KCNIP4: variants seen among roughly 807,000 people sequenced by gnomAD.
The protein encoded by KCNIP4 is potassium voltage-gated channel interacting protein 4.
Under a neutral mutation model 34.0 loss-of-function variants are expected in KCNIP4, and 12 were observed. The ratio of observed to expected loss-of-function variants is 0.35; its 90% CI spans 0.23 to 0.57. The LOEUF (loss-of-function observed/expected upper bound fraction) is 0.57, where lower values mean the gene tolerates loss of function less well. Ranked by LOEUF, KCNIP4 falls within the 20% of genes least tolerant of loss-of-function variation. The pLI, the probability that KCNIP4 is intolerant of heterozygous loss-of-function variation, is 0.83. For missense variants in KCNIP4, 238 were observed against 311.7 expected (o/e 0.76, Z 1.78); for synonymous variants, 124 against 102.2 (o/e 1.21, Z -1.29).
At chr4:21,142,492 TG>T (rs1413022865) in intron 1 of KCNIP4, among the ~76,000 whole-genome samples, 1 of 152,138 alleles carries the variant, frequency 6.6e-6, no homozygotes, top group African/African-American at 2.4e-5. Context: ...TATTCTGTTT[TG>T]GGGGCTCTGT....
intron 1 of KCNIP4, among the ~76,000 whole-genome samples, chr4:21,605,124 C>T (rs1250122168): frequency 6.6e-6 from 1 of 152,152 alleles, no homozygotes; most frequent in African/African-American, 2.4e-5. Flanking sequence ...AACTATTGAC[C>T]TATGGCTCAG....
chr4:21,092,094 C>T (rs1296239288), intron 1 of KCNIP4, among the ~76,000 whole-genome samples: 1 of 152,110 alleles, frequency 6.6e-6, no homozygotes, highest in Non-Finnish European at 1.5e-5. Flanking sequence ...TCACGAGCTT[C>T]CTCTCTATTC....
intron 1 of KCNIP4, among the ~76,000 whole-genome samples, chr4:21,008,129 G>C (rs1421228024): frequency 6.6e-6 from 1 of 152,188 alleles, no homozygotes; most frequent in Non-Finnish European, 1.5e-5. Context: ...GATTAGAAGA[G>C]AGAAATCTGT....
chr4:20,949,854 G>A (rs1422323418), intron 1 of KCNIP4, among the ~76,000 whole-genome samples: 1 of 123,664 alleles, frequency 8.1e-6, no homozygotes, highest in Admixed American at 9.2e-5. Context: ...TCTGGGGACG[G>A]TTGGGGGGTG....
intron 1 of KCNIP4, among the ~76,000 whole-genome samples, chr4:21,505,146 T>G (rs1435262481): frequency 6.6e-6 from 1 of 152,190 alleles, no homozygotes; most frequent in Non-Finnish European, 1.5e-5. Flanking sequence ...CATTTGATAT[T>G]TACAAGGTCC....
At chr4:21,158,573 T>C (rs1753333717) in intron 1 of KCNIP4, among the ~76,000 whole-genome samples, 1 of 152,082 alleles carries the variant, frequency 6.6e-6, no homozygotes, top group Non-Finnish European at 1.5e-5. Context: ...GAAAAAGAAT[T>C]TGACAAAACT....
chr4:21,635,520 CA>C, intron 1 of KCNIP4, among the ~76,000 whole-genome samples: 1 of 151,882 alleles, frequency 6.6e-6, no homozygotes, highest in East Asian at 1.9e-4. Flanking sequence ...TTTATGCAGC[CA>C]AAAAACACAT....
At chr4:21,792,521 G>A (rs937461599) in intron 1 of KCNIP4, among the ~76,000 whole-genome samples, 10 of 152,146 alleles carry the variant, frequency 6.6e-5, no homozygotes, top group South Asian at 2.1e-4. Context: ...ATGTCAATAC[G>A]TGTGAAAGTG....
intron 3 of KCNIP4, among the ~76,000 whole-genome samples, chr4:20,765,784 T>C (rs539058055): frequency 2.8e-4 from 42 of 152,204 alleles, no homozygotes; most frequent in Non-Finnish European, 4.9e-4. Flanking sequence ...AGGTTTTCTT[T>C]GCAATATAAC....
chr4:21,114,469 GAA>G (rs1341304822), intron 1 of KCNIP4, among the ~76,000 whole-genome samples: 1 of 151,770 alleles, frequency 6.6e-6, no homozygotes, highest in Admixed American at 6.6e-5. Flanking sequence ...TCTTAAAAGT[GAA>G]GTAAGACTAT....
chr4:20,869,102 A>T (rs1253793559), intron 2 of KCNIP4, among the ~76,000 whole-genome samples: 1 of 152,152 alleles, frequency 6.6e-6, no homozygotes, highest in East Asian at 1.9e-4. Context: ...GATGGAATTG[A>T]TTACCTAGTG....
At chr4:21,579,535 A>G (rs965235832) in intron 1 of KCNIP4, among the ~76,000 whole-genome samples, 1 of 152,070 alleles carries the variant, frequency 6.6e-6, no homozygotes, top group Admixed American at 6.6e-5. Flanking sequence ...CTATATATCC[A>G]TTCATGCATT....
At chr4:21,032,970 T>C (rs1435476765) in intron 1 of KCNIP4, among the ~76,000 whole-genome samples, 4 of 152,162 alleles carry the variant, frequency 2.6e-5, no homozygotes, top group Non-Finnish European at 1.5e-5. Flanking sequence ...GCAGATTCTA[T>C]ACTCTCCCTT....
At chr4:21,798,525 A>G (rs1720778335) in intron 1 of KCNIP4, among the ~76,000 whole-genome samples, 1 of 144,482 alleles carries the variant, frequency 6.9e-6, no homozygotes, top group Non-Finnish European at 1.5e-5. Context: ...AAAAAAAAAA[A>G]AAAAAAAGGA....
intron 1 of KCNIP4, among the ~76,000 whole-genome samples, chr4:21,239,894 A>G (rs1203877896): frequency 6.6e-6 from 1 of 152,152 alleles, no homozygotes; most frequent in Non-Finnish European, 1.5e-5. Flanking sequence ...AAAGGACTAT[A>G]AATCGTGCTG....
chr4:21,871,173 C>T (rs993840676), intron 1 of KCNIP4, among the ~76,000 whole-genome samples: 2 of 150,962 alleles, frequency 1.3e-5, no homozygotes, highest in African/African-American at 2.4e-5. Context: ...TACATATATG[C>T]CATGTTGGTG....
chr4:21,720,067 A>T (rs1308952808), intron 1 of KCNIP4, among the ~76,000 whole-genome samples: 1 of 85,548 alleles, frequency 1.2e-5, no homozygotes, highest in Admixed American at 2.0e-4. Flanking sequence ...GAAGAAGAAG[A>T]AAAAAAAAAC....
chr4:20,882,929 C>T (rs542684692), intron 1 of KCNIP4, among the ~76,000 whole-genome samples: 15 of 149,776 alleles, frequency 1.0e-4, no homozygotes, highest in African/African-American at 3.0e-4. Flanking sequence ...AAGATAATGA[C>T]GAACAAGTGA....
chr4:21,388,023 T>G (rs930943697), intron 1 of KCNIP4, among the ~76,000 whole-genome samples: 16 of 150,336 alleles, frequency 1.1e-4, no homozygotes, highest in African/African-American at 4.0e-4. Context: ...TGAAAGGCAT[T>G]TACATACAAA....
Sources: gnomAD v4.1 joint callset for allele counts (sites outside exome capture counted in the v4.1 genomes callset) on GRCh38, gnomAD v4.1.1 for gene constraint, MANE v1.5 for transcripts, NCBI Gene and HGNC (gene_info 2026-07-23, HGNC 2026-07-21) for gene names.